SUSD3: variants seen among roughly 807,000 people sequenced by gnomAD.
The protein encoded by SUSD3 is sushi domain containing 3.
SUSD3 carries 18 observed loss-of-function variants against 20.6 expected under a neutral mutation model. The ratio of observed to expected loss-of-function variants is 0.87; its 90% CI spans 0.60 to 1.30. SUSD3 has a LOEUF of 1.30. SUSD3 is among the 50% of genes most tolerant of loss of function. The pLI is 0.00. For missense variants in SUSD3, 306 were observed against 346.9 expected, an observed-to-expected ratio of 0.88 and a Z score of 0.94; for synonymous variants, 137 against 141.5, an observed-to-expected ratio of 0.97 and a Z score of 0.23.
rs542194073 is a variant in SUSD3 at position 93,064,591 on chromosome 9, C to T, written c.88+5761C>T. Among the ~76,000 whole-genome samples, 14 of 152,326 alleles carry T rather than the reference C, an allele frequency of 9.2e-5. No individual in the cohort carries two copies. The South Asian group carries it at 1.9e-3, about 20-fold the overall frequency. ...GTGTGAACCAAGACAAGACCTTGGT[C>T]GACCTCAGACATAGCTAGGTGAGAG... On this transcript the variant is annotated intron_variant, in intron 1 of 4. Transcript: ENST00000375472.
intron 1 of SUSD3, among the ~76,000 whole-genome samples, chr9:93,067,153 T>A (rs1293175456): frequency 6.6e-6 from 1 of 152,246 alleles, no homozygotes; most frequent in East Asian, 1.9e-4. Flanking sequence ...TCTGGACATT[T>A]CATATGAGTG....
At chr9:93,068,721 T>G (rs1825807796) in intron 1 of SUSD3, among the ~76,000 whole-genome samples, 1 of 152,226 alleles carries the variant, frequency 6.6e-6, no homozygotes, top group South Asian at 2.1e-4. Flanking sequence ...TGGATTCTGA[T>G]AGAGATTTTG....
chr9:93,075,459 G>A (rs1021578914), intron 1 of SUSD3, among the ~76,000 whole-genome samples: 6 of 134,538 alleles, frequency 4.5e-5, no homozygotes, highest in East Asian at 4.4e-4. Flanking sequence ...CTTTGGAGCC[G>A]TGTTTAGGTC....
chr9:93,060,312 G>A (rs991877871), intron 1 of SUSD3, among the ~76,000 whole-genome samples: 15 of 152,076 alleles, frequency 9.9e-5, no homozygotes, highest in African/African-American at 3.1e-4. Flanking sequence ...CTGTACCTCT[G>A]TGCCTCAGTT....
At chr9:93,067,598 CTT>C (rs200176712) in intron 1 of SUSD3, among the ~76,000 whole-genome samples, 18 of 142,708 alleles carry the variant, frequency 1.3e-4, no homozygotes, top group South Asian at 2.2e-4. Flanking sequence ...TATTGTCTGT[CTT>C]TTTTTTTTTT....
chr9:93,080,686 G>A (rs1242608461), intron 4 of SUSD3, among the ~76,000 whole-genome samples: 1 of 152,228 alleles, frequency 6.6e-6, no homozygotes, highest in African/African-American at 2.4e-5. Context: ...GTCAGAGCCT[G>A]AGGAAGGGGC....
chr9:93,070,038 C>A (rs1825853185), intron 1 of SUSD3, among the ~76,000 whole-genome samples: 1 of 152,158 alleles, frequency 6.6e-6, no homozygotes, highest in African/African-American at 2.4e-5. Context: ...CTCGGCCTCC[C>A]AAAGTGCTGG....
chr9:93,073,431 GTAA>G (rs1024710504), intron 1 of SUSD3, among the ~76,000 whole-genome samples: 4 of 151,998 alleles, frequency 2.6e-5, no homozygotes, highest in African/African-American at 7.3e-5. Context: ...TCTATTTTTA[GTAA>G]AGACGGGGTT....
intron 1 of SUSD3, among the ~76,000 whole-genome samples, chr9:93,059,959 C>T (rs2118893176): frequency 6.6e-6 from 1 of 152,298 alleles, no homozygotes; most frequent in East Asian, 1.9e-4. Flanking sequence ...CACTTTTGCT[C>T]CTGTGTTTGA....
intron 1 of SUSD3, among the ~76,000 whole-genome samples, chr9:93,068,929 G>C (rs1163738233): frequency 6.6e-6 from 1 of 152,152 alleles, no homozygotes; most frequent in Non-Finnish European, 1.5e-5. Flanking sequence ...AAATTGAACA[G>C]AGTGAAAGAT....
chr9:93,084,660 G>A lies in SUSD3; in HGVS notation c.681G>A (p.Val227=), dbSNP rs755221813. The stretch of plus-strand genomic sequence containing the variant: ...GCTCACCCCAAGCCCAGGTGATGGT[G>A]CACATGGCAAACCCCAGACAGCCCC... ...SSSSPQAQVM[V]HMANPRQPLP... The change falls in exon 5 of 5, where the codon GTG becomes GTA. Residue 227 remains valine, a synonymous_variant. Coordinates refer to ENST00000375472, the MANE Select transcript of SUSD3 (RefSeq NM_145006.4). 11 of 1,608,090 alleles carry A rather than the reference G, an allele frequency of 6.8e-6. No individual in the cohort carries two copies. Among genetic ancestry groups the A allele is most frequent in the Admixed American group, 6.8e-5 (4 of 58,928 alleles).
At chr9:93,064,619 G>A (rs765988409) in intron 1 of SUSD3, among the ~76,000 whole-genome samples, 8 of 152,166 alleles carry the variant, frequency 5.3e-5, no homozygotes, top group Non-Finnish European at 7.3e-5. Flanking sequence ...GGTGAGAGCC[G>A]ACTGGTCAAC....
chr9:93,064,331 C>T (rs1825624761), intron 1 of SUSD3, among the ~76,000 whole-genome samples: 1 of 152,228 alleles, frequency 6.6e-6, no homozygotes, highest in Non-Finnish European at 1.5e-5. Flanking sequence ...CAGGCGTGAG[C>T]CACCGCACCC....
intron 2 of SUSD3, 95 bp downstream of exon 2, chr9:93,076,067 CTACTCACAA>C (rs1029508982): frequency 6.2e-6 from 7 of 1,125,180 alleles, no homozygotes; most frequent in Non-Finnish European, 8.8e-6. Context: ...GCGTGGGTGT[CTACTCACAA>C]GCAGCTAGGC....
intron 4 of SUSD3, among the ~76,000 whole-genome samples, chr9:93,083,255 C>G (rs1032319471): frequency 6.6e-6 from 1 of 152,170 alleles, no homozygotes; most frequent in Non-Finnish European, 1.5e-5. Context: ...ATGGAGACCT[C>G]GAGCACTCAG....
At chr9:93,072,771 A>C (rs1271583360) in intron 1 of SUSD3, among the ~76,000 whole-genome samples, 1 of 152,232 alleles carries the variant, frequency 6.6e-6, no homozygotes, top group Non-Finnish European at 1.5e-5. Flanking sequence ...TTTTAAAATT[A>C]GAGTCCACAG....
intron 1 of SUSD3, among the ~76,000 whole-genome samples, chr9:93,067,878 G>A (rs1166934891): frequency 1.3e-5 from 2 of 152,204 alleles, no homozygotes; most frequent in Non-Finnish European, 2.9e-5. Context: ...GATTACAGGC[G>A]TGAGCCACTG....
At chr9:93,071,282 G>A (rs1248709910) in intron 1 of SUSD3, among the ~76,000 whole-genome samples, 1 of 152,252 alleles carries the variant, frequency 6.6e-6, no homozygotes, top group African/African-American at 2.4e-5. Context: ...AAGGAAGCCA[G>A]TCTGAGTCCT....
intron 1 of SUSD3, among the ~76,000 whole-genome samples, chr9:93,074,546 G>A (rs1419783060): frequency 6.8e-6 from 1 of 146,816 alleles, no homozygotes; most frequent in Non-Finnish European, 1.5e-5. Flanking sequence ...GGCGTGGGTT[G>A]TTTCAGCCTT....
Sources: allele counts gnomAD v4.1 joint callset (sites outside exome capture counted in the v4.1 genomes callset), GRCh38; gene constraint gnomAD v4.1.1; transcripts MANE v1.5; gene names NCBI Gene and HGNC (gene_info 2026-07-23, HGNC 2026-07-21).